LRRC4C: variants seen among roughly 807,000 people sequenced by gnomAD.
The protein encoded by LRRC4C is leucine-rich repeat-containing protein 4C.
A neutral mutation model predicts 33.6 loss-of-function variants in LRRC4C; 5 were observed. The observed-to-expected ratio is 0.15, with a 90% CI of 0.08 to 0.31. LRRC4C has a LOEUF of 0.31. Among genes scored for constraint, LRRC4C ranks in the 10% least tolerant of loss-of-function variants. The pLI is 1.00. For missense variants in LRRC4C, 560 were observed against 796.7 expected (o/e 0.70, Z 3.58); for synonymous variants, 329 against 302.0 (o/e 1.09, Z -0.93).
intron 1 of LRRC4C, among the ~76,000 whole-genome samples, chr11:41,313,595 G>A (rs1254700867): frequency 6.6e-6 from 1 of 152,146 alleles, no homozygotes; most frequent in Non-Finnish European, 1.5e-5. Context: ...TAGTAATTCA[G>A]GGATAGAGAT....
chr11:40,586,480 T>A (rs1434974595), intron 3 of LRRC4C, among the ~76,000 whole-genome samples: 1 of 148,006 alleles, frequency 6.8e-6, no homozygotes, highest in African/African-American at 2.6e-5. Flanking sequence ...TTAGTTTAAT[T>A]AGATCCCATT....
intron 3 of LRRC4C, among the ~76,000 whole-genome samples, chr11:40,602,343 TC>T (rs1430379382): frequency 6.6e-6 from 1 of 152,134 alleles, no homozygotes; most frequent in Non-Finnish European, 1.5e-5. Flanking sequence ...TCATTTGAAG[TC>T]CTAGTTGGAG....
chr11:40,655,178 A>G (rs1483166467), intron 2 of LRRC4C, among the ~76,000 whole-genome samples: 1 of 152,202 alleles, frequency 6.6e-6, no homozygotes, highest in East Asian at 1.9e-4. Flanking sequence ...AGCTGATCTG[A>G]AGATTTATCT....
intron 2 of LRRC4C, among the ~76,000 whole-genome samples, chr11:40,741,301 C>A (rs544808521): frequency 1.6e-4 from 25 of 152,138 alleles, no homozygotes; most frequent in Non-Finnish European, 2.8e-4. Flanking sequence ...GCCACTCCAA[C>A]TGAATAAATA....
chr11:41,237,180 A>C (rs561178702), intron 1 of LRRC4C, among the ~76,000 whole-genome samples: 2 of 152,336 alleles, frequency 1.3e-5, no homozygotes, highest in African/African-American at 4.8e-5. Context: ...CAGCATTATA[A>C]AAAATAGAGA....
chr11:40,418,976 G>A (rs550631588), intron 3 of LRRC4C, among the ~76,000 whole-genome samples: 12 of 151,758 alleles, frequency 7.9e-5, no homozygotes, highest in Admixed American at 2.6e-4. Context: ...CCTGGTGGTC[G>A]GGGGATAGGG....
intron 1 of LRRC4C, among the ~76,000 whole-genome samples, chr11:41,021,065 C>A (rs569055312): frequency 6.6e-6 from 1 of 151,840 alleles, no homozygotes; most frequent in Non-Finnish European, 1.5e-5. Flanking sequence ...AATTAAGTAA[C>A]TGTTGGGCTA....
intron 1 of LRRC4C, among the ~76,000 whole-genome samples, chr11:41,178,435 C>G (rs1188071753): frequency 6.6e-6 from 1 of 152,130 alleles, no homozygotes; most frequent in Admixed American, 6.5e-5. Flanking sequence ...CTCAATGCAG[C>G]CTTGAACTCC....
intron 1 of LRRC4C, among the ~76,000 whole-genome samples, chr11:41,429,129 G>T (rs1206491178): frequency 6.6e-6 from 1 of 152,136 alleles, no homozygotes; most frequent in African/African-American, 2.4e-5. Context: ...GAGTTCTCAT[G>T]AGATCTGATG....
intron 5 of LRRC4C, among the ~76,000 whole-genome samples, chr11:40,219,369 A>G (rs1434411526): frequency 6.6e-6 from 1 of 152,128 alleles, no homozygotes; most frequent in Non-Finnish European, 1.5e-5. Context: ...TTTCTTTAAT[A>G]TATCCTTCTA....
intron 1 of LRRC4C, among the ~76,000 whole-genome samples, chr11:41,423,701 T>C (rs1590237760): frequency 6.6e-6 from 1 of 152,194 alleles, no homozygotes; most frequent in African/African-American, 2.4e-5. Context: ...ATACAGGACA[T>C]AGCAAATGCC....
intron 4 of LRRC4C, among the ~76,000 whole-genome samples, chr11:40,303,907 C>A (rs1944902515): frequency 6.6e-6 from 1 of 152,264 alleles, no homozygotes; most frequent in South Asian, 2.1e-4. Flanking sequence ...GAATATTATT[C>A]AACCTTTCAT....
intron 5 of LRRC4C, among the ~76,000 whole-genome samples, chr11:40,142,299 A>C (rs1056648529): frequency 6.6e-5 from 10 of 151,458 alleles, no homozygotes; most frequent in Non-Finnish European, 1.3e-4. Context: ...AAAAAAAAAA[A>C]AAAAACCTCG....
At chr11:40,364,849 T>C (rs966732318) in intron 3 of LRRC4C, among the ~76,000 whole-genome samples, 18 of 151,922 alleles carry the variant, frequency 1.2e-4, no homozygotes, top group Admixed American at 2.0e-4. Flanking sequence ...ACAGACTTCT[T>C]ATTGGGAAAA....
intron 1 of LRRC4C, among the ~76,000 whole-genome samples, chr11:41,030,279 G>A (rs530639102): frequency 1.3e-5 from 2 of 151,938 alleles, no homozygotes; most frequent in African/African-American, 4.8e-5. Flanking sequence ...GAGCTATGCA[G>A]CTATTCCTCA....
chr11:40,918,145 G>A (rs1041409139), intron 2 of LRRC4C, among the ~76,000 whole-genome samples: 3 of 152,092 alleles, frequency 2.0e-5, no homozygotes, highest in Admixed American at 6.6e-5. Flanking sequence ...TTCCCAGTGA[G>A]CCTTTGTGTA....
chr11:41,439,629 T>C (rs1955548800), intron 1 of LRRC4C, among the ~76,000 whole-genome samples: 3 of 152,182 alleles, frequency 2.0e-5, no homozygotes, highest in Admixed American at 2.0e-4. Context: ...AATAACTAAT[T>C]TGCATTGATG....
At chr11:41,173,090 G>A (rs1234797875) in intron 1 of LRRC4C, among the ~76,000 whole-genome samples, 1 of 152,072 alleles carries the variant, frequency 6.6e-6, no homozygotes, top group East Asian at 1.9e-4. Flanking sequence ...AACTTCTGCA[G>A]GCCATTCTCC....
At chr11:40,850,565 C>T (rs1055636429) in intron 2 of LRRC4C, among the ~76,000 whole-genome samples, 1 of 152,114 alleles carries the variant, frequency 6.6e-6, no homozygotes, top group East Asian at 1.9e-4. Context: ...TCTGTCGACC[C>T]CTGCTGGGAG....
Sources: allele counts gnomAD v4.1 joint callset (sites outside exome capture counted in the v4.1 genomes callset), GRCh38; gene constraint gnomAD v4.1.1; transcripts MANE v1.5; gene names NCBI Gene and HGNC (gene_info 2026-07-23, HGNC 2026-07-21).